Variants in UCKL1 observed in about 807,000 individuals in gnomAD.
The protein encoded by UCKL1 is uridine-cytidine kinase-like 1.
Under a neutral mutation model 59.2 loss-of-function variants are expected in UCKL1, and 65 were observed. That is an observed-to-expected ratio of 1.10 (90% CI 0.90 to 1.35). The LOEUF is 1.35. Among genes scored for constraint, UCKL1 ranks in the 40% most tolerant of loss-of-function variants. The pLI is 0.00. For synonymous variants in UCKL1, 410 were observed against 323.1 expected (o/e 1.27, Z -2.88); for missense variants, 703 against 784.3 (o/e 0.90, Z 1.24).
chr20:63,947,589 C>A (rs948351517), intron 1 of UCKL1, among the ~76,000 whole-genome samples: 1 of 152,378 alleles, frequency 6.6e-6, no homozygotes, highest in Admixed American at 6.5e-5. Flanking sequence ...GTGCCTCGGC[C>A]TGGCCTCTCT....
intron 8 of UCKL1, chr20:63,942,541 GGGTTTACAGAGAGAA>G: frequency 9.1e-7 from 1 of 1,099,728 alleles, no homozygotes; most frequent in South Asian, 1.6e-5. Context: ...CAGGAAACGG[GGGTTTACAGAGAGAA>G]GGAAGAGAAC....
chr20:63,948,571 G>A (rs1409926620), intron 1 of UCKL1: 2 of 94,932 alleles, frequency 2.1e-5, no homozygotes, highest in African/African-American at 4.2e-5. Context: ...GTGTGTGAGA[G>A]GGAGGGGATG....
chr20:63,940,353 C>T, intron 13 of UCKL1, 25 bp downstream of exon 13: 1 of 1,611,726 alleles, frequency 6.2e-7, no homozygotes, highest in African/African-American at 1.3e-5. Context: ...CCTGAACCTG[C>T]CCCGCCTACC....
rs531176479 is a variant in UCKL1 at position 63,940,030 on chromosome 20, C to T, written c.1593G>A (p.Gly531=). 1.8e-5 allele frequency: 29 copies of T among 1,610,148 alleles called. No homozygotes were observed. The Admixed American group carries it at 4.9e-4, about 27-fold the overall frequency. Residue 531 remains glycine (G), a synonymous_variant, in exon 15 of 15, where the codon GGG becomes GGA. Transcript: ENST00000354216. ...CACTGCCATCGGGGACCGCGTCTGT[C>T]CCAAAGTAGCGGTCGCCAAAGTTCC... ...GIGNFGDRYF[G]TDAVPDGSDE...
chr20:63,940,410 C>T lies in UCKL1; in HGVS notation c.1378G>A (p.Ala460Thr). 6.2e-7 allele frequency: 1 copy of T among 1,611,878 alleles called. No individual in the cohort carries two copies. Among genetic ancestry groups the T allele is most frequent in the Non-Finnish European group, 8.5e-7 (1 of 1,179,294 alleles). ...ILMDCTVSTG[A>T]AAMMAVRVLL... ...ACGCGCACTGCCATCATGGCCGCCGCGCCCGTGGACACGGTGCAGTCCATG... is the reference window on the plus strand; with the variant it reads ...ACGCGCACTGCCATCATGGCCGCCGTGCCCGTGGACACGGTGCAGTCCATG... Residue 460 changes from alanine to threonine, a missense_variant, in exon 13 of 15, where the codon GCG becomes ACG. Physicochemically the swap from Ala to Thr is moderately conservative, Grantham distance 58 (BLOSUM62 0). Coordinates refer to ENST00000354216, the MANE Select transcript of UCKL1 (RefSeq NM_017859.4).
At chr20:63,947,474 C>T (rs540287035) in intron 1 of UCKL1, among the ~76,000 whole-genome samples, 3 of 152,318 alleles carry the variant, frequency 2.0e-5, no homozygotes, top group Admixed American at 2.0e-4. Context: ...TGCGCACACA[C>T]CGAGGGTGAG....
intron 5 of UCKL1, 111 bp downstream of exon 5, chr20:63,945,540 G>T: frequency 8.7e-7 from 1 of 1,145,520 alleles, no homozygotes; most frequent in Non-Finnish European, 1.3e-6. Context: ...GGCTGGCCTA[G>T]GCCTATACAG....
chr20:63,956,305 G>A lies in UCKL1; in HGVS notation c.68C>T (p.Thr23Ile). 1.3e-6 allele frequency: 2 copies of A among 1,563,986 alleles called. No individual in the cohort carries two copies. The highest frequency in any genetic ancestry group is 1.7e-6 in the Non-Finnish European group (2 of 1,159,406). The change falls in exon 1 of 15, where the codon ACA (threonine) becomes ATA (isoleucine). Residue 23 changes from threonine to isoleucine, a missense_variant. Physicochemically the swap from Thr to Ile is moderately conservative, Grantham distance 89 (BLOSUM62 -1). Transcript: ENST00000354216. ...GCTTTTCTCAGCCTGCCGGCCTGGTGTGTCTCGGGCCGTAGGTGGCGACGT... is the reference window on the plus strand; with the variant it reads ...GCTTTTCTCAGCCTGCCGGCCTGGTATGTCTCGGGCCGTAGGTGGCGACGT... Reference protein sequence around the residue: ...SPTSPPTARDTPGRQAEKSET... With the variant: ...SPTSPPTARDIPGRQAEKSET...
chr20:63,946,356 C>T (rs2056205343), intron 2 of UCKL1, 89 bp from the exon 3 acceptor site: 2 of 1,531,890 alleles, frequency 1.3e-6, no homozygotes, highest in South Asian at 1.2e-5. Flanking sequence ...CTGCCGCTGC[C>T]TGCGGTTGCC....
At chr20:63,954,359 CAG>C (rs920768556) in intron 1 of UCKL1, 17 of 152,558 alleles carry the variant, frequency 1.1e-4, no homozygotes, top group African/African-American at 3.1e-4. Flanking sequence ...GTGCCCAGGA[CAG>C]AGTCACGAGT....
In UCKL1 at chr20:63,956,316, C is replaced by T. The variant is rs535689162; in HGVS notation, c.57G>A (p.Thr19=). ...CCTGCCGGCCTGGTGTGTCTCGGGC[C>T]GTAGGTGGCGACGTGGGCGAAGGAT... ...DADPSPTSPP[T]ARDTPGRQAE... Residue 19 remains threonine, a synonymous_variant, in exon 1 of 15, where the codon ACG becomes ACA. Transcript: ENST00000354216. The T allele has an allele frequency of 1.9e-6, 3 of 1,556,028 alleles. No individual in the cohort carries two copies. Among genetic ancestry groups the T allele is most frequent in the Non-Finnish European group, 2.6e-6 (3 of 1,155,030 alleles).
At chr20:63,944,831 C>T in intron 5 of UCKL1, 97 bp from the exon 6 acceptor site, 5 of 1,469,904 alleles carry the variant, frequency 3.4e-6, no homozygotes, top group Non-Finnish European at 4.6e-6. Flanking sequence ...GGTCCGTGGG[C>T]CTGGCCAGAG....
At chr20:63,942,506 G>A (rs1300592442) in intron 8 of UCKL1, 1 of 1,176,784 alleles carries the variant, frequency 8.5e-7, no homozygotes, top group East Asian at 6.3e-5. Context: ...GCCAGGTGAA[G>A]AGCATGTTCA....
In UCKL1 at chr20:63,956,099, C is replaced by G. The variant is rs1161204849; in HGVS notation, c.113+161G>C. On this transcript the variant is annotated intron_variant, in intron 1 of 14. Transcript: ENST00000354216. The stretch of plus-strand genomic sequence containing the variant: ...TCCGTCCTCCCGGCCGCTTCAAGCC[C>G]GCGGGGTTCCACCCGGCACGTGGGA... 9.1e-6 allele frequency: 6 copies of G among 662,396 alleles called. No individual in the cohort carries two copies. The East Asian group carries it at 2.1e-4, about 23-fold the overall frequency. 41.0% of individuals were successfully genotyped at this position (662,396 alleles called of 1,614,324 possible).
chr20:63,942,420 G>C lies in UCKL1; in HGVS notation c.924-1212C>G. 6.8e-6 allele frequency: 8 copies of C among 1,173,752 alleles called. 1 individual carries two copies. The South Asian group carries it at 1.3e-4, about 19-fold the overall frequency. The allele number at this position is 1,173,752 out of a possible 1,614,324, so 72.7% of individuals were successfully genotyped here. ...GCCTAGCGGGAGCAGCGGGGCAAGG[G>C]GCTACGGGAAGGCGGGTCACACAGC... is the stretch of plus-strand genomic sequence containing the variant. On this transcript the variant is annotated intron_variant, in intron 8 of 14. Transcript: ENST00000354216.
chr20:63,944,527 G>A lies in UCKL1; in HGVS notation c.844+18C>T, dbSNP rs1439717998. On this transcript the variant is annotated intron_variant, in intron 6 of 14. Coordinates refer to ENST00000354216, the MANE Select transcript of UCKL1 (RefSeq NM_017859.4). The stretch of plus-strand genomic sequence containing the variant: ...GGCCTGCCCGACACCCACCCAACAG[G>A]CAGCCCAGCAGGCTCACCTCTGGGG... 1 of 1,601,208 alleles carries A rather than the reference G, an allele frequency of 6.2e-7. No homozygotes were observed. The highest frequency in any genetic ancestry group is 2.2e-5 in the East Asian group (1 of 44,458).
At chr20:63,948,968 AG>A (rs1242453696) in intron 1 of UCKL1, among the ~76,000 whole-genome samples, 1 of 100,748 alleles carries the variant, frequency 9.9e-6, no homozygotes, top group Non-Finnish European at 2.3e-5. Flanking sequence ...GTGCACACAC[AG>A]GGGGCAGTGG....
chr20:63,948,913 T>A (rs1399842678), intron 1 of UCKL1, among the ~76,000 whole-genome samples: 3 of 151,920 alleles, frequency 2.0e-5, no homozygotes. Context: ...TGGGCACTCC[T>A]CCCCGTGCAC....
In UCKL1 at chr20:63,941,285, C is replaced by T. The variant is rs759337025; in HGVS notation, c.924-77G>A. ...CCTCCCTCCCCACAGGACGGCTGTG[C>T]GTCACTGTGAGGGGAACACACGGGC... is the stretch of plus-strand genomic sequence containing the variant. On this transcript the variant is annotated intron_variant, in intron 8 of 14. Transcript: ENST00000354216. 2.6e-4 allele frequency: 379 copies of T among 1,451,092 alleles called. 1 individual carries two copies. Among genetic ancestry groups the T allele is most frequent in the Non-Finnish European group, 3.0e-4 (334 of 1,096,980 alleles). The allele number at this position is 1,451,092 out of a possible 1,614,324, so 89.9% of individuals were successfully genotyped here. A position where few individuals can be genotyped will look rare whatever the true frequency, so the allele number is the denominator to read the frequency against.
Sources: gnomAD v4.1 joint callset for allele counts (sites outside exome capture counted in the v4.1 genomes callset) on GRCh38, gnomAD v4.1.1 for gene constraint, MANE v1.5 for transcripts, NCBI Gene and HGNC (gene_info 2026-07-23, HGNC 2026-07-21) for gene names.